Variants in SLC23A1 observed in about 807,000 individuals in gnomAD.
SLC23A1 encodes the protein Na(+)/L-ascorbic acid transporter 1.
A neutral mutation model predicts 62.5 loss-of-function variants in SLC23A1; 31 were observed. The observed-to-expected ratio is 0.50, with a 90% confidence interval of 0.37 to 0.67. The LOEUF (loss-of-function observed/expected upper bound fraction) is 0.67, where lower values mean the gene tolerates loss of function less well. SLC23A1 is among the 30% of genes least tolerant of loss of function. The pLI is 0.00. For missense variants in SLC23A1, 640 were observed against 782.7 expected, an observed-to-expected ratio of 0.82 and a Z score of 2.18; for synonymous variants, 271 against 313.2, an observed-to-expected ratio of 0.87 and a Z score of 1.42.
rs771587041 is a variant in SLC23A1 at position 139,379,232 on chromosome 5, G to C, written c.1048C>G (p.Pro350Ala). 1 of 1,614,094 alleles carries C rather than the reference G, an allele frequency of 6.2e-7. No individual in the cohort carries two copies. The change falls in exon 9 of 15, where the codon CCC (proline) becomes GCC (alanine). Residue 350 changes from proline to alanine, a missense_variant. By Grantham distance (27) the Pro-to-Ala change is conservative (BLOSUM62 -1). Coordinates refer to ENST00000348729, the MANE Select transcript of SLC23A1 (RefSeq NM_005847.5). This position sits in a 1 kb window ranked among gnomAD's most constrained non-coding sequence, Gnocchi z 4.7. The stretch of plus-strand genomic sequence containing the variant: ...CTGTTGATAGCATGTACTGGAGGGG[G>C]TGGTGCACCAGCCAGGCGGGCACAG... Reference protein sequence around the residue: ...YACARLAGAPPPPVHAINRGI... With the variant: ...YACARLAGAPAPPVHAINRGI...
chr5:139,379,538 A>G lies in SLC23A1; in HGVS notation c.925+140T>C, dbSNP rs1299590901. 4.7e-6 allele frequency: 5 copies of G among 1,057,264 alleles called. No individual in the cohort carries two copies. Among genetic ancestry groups the G allele is most frequent in the African/African-American group, 3.1e-5 (2 of 63,504 alleles). The allele number at this position is 1,057,264 out of a possible 1,614,324, so 65.5% of individuals were successfully genotyped here. A position where few individuals can be genotyped will look rare whatever the true frequency, so the allele number is the denominator to read the frequency against. ...AGGAAGTGGGACTGAAGCTTTGTCT[A>G]AGTAAAACACCACTCTGCTGGGCGC... On this transcript the variant is annotated intron_variant, in intron 8 of 14. Coordinates refer to ENST00000348729, the MANE Select transcript of SLC23A1 (RefSeq NM_005847.5). The surrounding 1 kb of genome is among the most constrained non-coding windows in gnomAD (Gnocchi z 4.7).
At chr5:139,376,939 T>A (rs1189912245) in intron 13 of SLC23A1, among the ~76,000 whole-genome samples, 1 of 152,138 alleles carries the variant, frequency 6.6e-6, no homozygotes, top group Non-Finnish European at 1.5e-5. Context: ...CTGCCCAATA[T>A]GGTGAAACCC....
intron 14 of SLC23A1, among the ~76,000 whole-genome samples, chr5:139,371,665 C>A (rs1317811191): frequency 6.6e-6 from 1 of 152,218 alleles, no homozygotes; most frequent in Non-Finnish European, 1.5e-5. Context: ...ATGAGGCTGC[C>A]AGTGGCTAGA....
chr5:139,368,541 G>GA (rs1317913129), intron 14 of SLC23A1, among the ~76,000 whole-genome samples: 1 of 151,500 alleles, frequency 6.6e-6, no homozygotes, highest in African/African-American at 2.4e-5. Flanking sequence ...AAAAAGAAAA[G>GA]AAAAAGTTGA....
chr5:139,382,265 G>A (rs927216239), intron 2 of SLC23A1: 64 of 605,674 alleles, frequency 1.1e-4, no homozygotes, highest in African/African-American at 3.7e-5. Context: ...CCGTGGAGTC[G>A]GCTCTGCTCC....
chr5:139,383,805 T>C (rs977511462), upstream of SLC23A1, among the ~76,000 whole-genome samples: 3 of 152,222 alleles, frequency 2.0e-5, no homozygotes, highest in African/African-American at 7.2e-5. Flanking sequence ...TCAGTAGATG[T>C]GATTTGACCC....
upstream of SLC23A1, chr5:139,384,815 G>A (rs754914484): frequency 4.8e-5 from 42 of 871,760 alleles, no homozygotes; most frequent in African/African-American, 5.3e-4. Context: ...ATGGGTGCCC[G>A]GCTCCACACC....
chr5:139,372,332 C>A, intron 13 of SLC23A1, 79 bp from the exon 14 acceptor site: 1 of 1,339,688 alleles, frequency 7.5e-7, no homozygotes, highest in Non-Finnish European at 1.0e-6. Flanking sequence ...AGTCCTAAGG[C>A]AGACTTCTGG....
upstream of SLC23A1, chr5:139,384,666 A>G: frequency 8.3e-7 from 1 of 1,209,622 alleles, no homozygotes; most frequent in Non-Finnish European, 1.1e-6. Context: ...ATGGACACTC[A>G]ATTCAACCCA....
rs761630138 is a variant in SLC23A1, at chr5:139,379,934, C to T, written c.768+22G>A. 3 of 1,614,148 alleles carry T rather than the reference C, an allele frequency of 1.9e-6. No individual in the cohort carries two copies. Among genetic ancestry groups the T allele is most frequent in the Non-Finnish European group, 2.5e-6 (3 of 1,180,024 alleles). ...CAAGCCCTGGCCATAGTCCCAGCCC[C>T]AGCCGCCTGCCAGGTCCTCACAGGA... On this transcript the variant is annotated intron_variant, in intron 7 of 14. Transcript: ENST00000348729. This position sits in a 1 kb window ranked among gnomAD's most constrained non-coding sequence, Gnocchi z 4.7.
intron 14 of SLC23A1, among the ~76,000 whole-genome samples, chr5:139,368,443 C>T (rs1007908365): frequency 6.6e-6 from 1 of 152,084 alleles, no homozygotes; most frequent in Admixed American, 6.6e-5. Context: ...GCAGGAGAAT[C>T]GCTTGAACCC....
At position 139,379,988 on chromosome 5, in the gene SLC23A1, G is replaced by C; in HGVS notation, c.736C>G (p.Leu246Val). ...PVYRWGKGLT[L>V]LRIQIFKMFP... is the part of the protein sequence containing the mutation. ...ATTTTGAAGATCTGGATGCGGAGGA[G>C]AGTGAGGCCCTTGCCCCAGCGGTAG... Residue 246 changes from leucine (L) to valine (V), a missense_variant, in exon 7 of 15, where the codon CTC becomes GTC. Coordinates refer to ENST00000348729, the MANE Select transcript of SLC23A1 (RefSeq NM_005847.5). This position sits in a 1 kb window ranked among gnomAD's most constrained non-coding sequence, Gnocchi z 4.7. 1 of 1,614,156 alleles carries C rather than the reference G, an allele frequency of 6.2e-7. No homozygotes were observed. Among genetic ancestry groups the C allele is most frequent in the African/African-American group, 1.3e-5 (1 of 75,042 alleles).
In SLC23A1 at chr5:139,380,265, A is replaced by G; in HGVS notation, c.590T>C (p.Leu197Pro). Residue 197 changes from leucine to proline, a missense_variant, in exon 6 of 15, where the codon CTT becomes CCT. Leu to Pro is a moderately conservative substitution (Grantham distance 98, BLOSUM62 -3). Transcript: ENST00000348729. ...TVTPTVSLIG[L>P]SVFQAAGDRA... ...GTCGCCAGCAGCTTGGAAGACAGAAAGGCCAATGAGGGAGACAGTGGGGGT... is the reference window on the plus strand; with the variant it reads ...GTCGCCAGCAGCTTGGAAGACAGAAGGGCCAATGAGGGAGACAGTGGGGGT... 1.3e-6 allele frequency: 2 copies of G among 1,580,644 alleles called. No homozygotes were observed. The highest frequency in any genetic ancestry group is 1.3e-5 in the African/African-American group (1 of 74,272).
chr5:139,373,846 G>A (rs1757810329), intron 13 of SLC23A1, among the ~76,000 whole-genome samples: 1 of 152,200 alleles, frequency 6.6e-6, no homozygotes, highest in Non-Finnish European at 1.5e-5. Flanking sequence ...ATGAGCCATA[G>A]GTGTGGCGTA....
intron 14 of SLC23A1, among the ~76,000 whole-genome samples, chr5:139,370,859 G>A (rs1757624497): frequency 6.6e-6 from 1 of 152,062 alleles, no homozygotes; most frequent in Admixed American, 6.5e-5. Flanking sequence ...GGGAGGTCAA[G>A]GTAGGTGGAT....
Position 139,379,558 on chromosome 5 carries a change from G to T in SLC23A1, c.925+120C>A. 9.0e-7 allele frequency: 1 copy of T among 1,115,770 alleles called. No homozygotes were observed. Among genetic ancestry groups the T allele is most frequent in the Non-Finnish European group, 1.3e-6 (1 of 748,786 alleles). The allele number at this position is 1,115,770 out of a possible 1,614,324, so 69.1% of individuals were successfully genotyped here. On this transcript the variant is annotated intron_variant, in intron 8 of 14. Transcript: ENST00000348729. This position sits in a 1 kb window ranked among gnomAD's most constrained non-coding sequence, Gnocchi z 4.7. ...TGTCTAAGTAAAACACCACTCTGCT[G>T]GGCGCACTATAAATGTGCGGCTAAT... is the stretch of plus-strand genomic sequence containing the variant.
intron 13 of SLC23A1, among the ~76,000 whole-genome samples, chr5:139,374,022 T>G (rs1404500680): frequency 6.6e-6 from 1 of 152,166 alleles, no homozygotes; most frequent in Non-Finnish European, 1.5e-5. Flanking sequence ...CCTCACCTAC[T>G]CTCCCTCATC....
chr5:139,378,397 G>A lies in SLC23A1; in HGVS notation c.1180-46C>T. The A allele has an allele frequency of 6.5e-7, 1 of 1,543,748 alleles. No individual in the cohort carries two copies. The highest frequency in any genetic ancestry group is 1.2e-5 in the South Asian group (1 of 83,540). On this transcript the variant is annotated intron_variant, in intron 10 of 14. Coordinates refer to ENST00000348729, the MANE Select transcript of SLC23A1 (RefSeq NM_005847.5). The surrounding 1 kb of genome is among the most constrained non-coding windows in gnomAD (Gnocchi z 4.5). ...AAGCTAGACCTGGGGACGAGGCTGGGGCGGGGTTAGTTCCAGGGGCGGGGC... is the reference window on the plus strand; with the variant it reads ...AAGCTAGACCTGGGGACGAGGCTGGAGCGGGGTTAGTTCCAGGGGCGGGGC...
At chr5:139,368,903 T>C (rs995671401) in intron 14 of SLC23A1, 11 of 813,348 alleles carry the variant, frequency 1.4e-5, no homozygotes, top group South Asian at 6.6e-5. Context: ...GTTACACTTA[T>C]GCATTGCCAA....
Sources: gnomAD v4.1 joint callset for allele counts (sites outside exome capture counted in the v4.1 genomes callset) on GRCh38, gnomAD v4.1.1 for gene constraint, Gnocchi (gnomAD v3.1) non-coding constraint, MANE v1.5 for transcripts, NCBI Gene and HGNC (gene_info 2026-07-23, HGNC 2026-07-21) for gene names.